Variants in KLRG1 observed in about 807,000 individuals in gnomAD.
The protein encoded by KLRG1 is killer cell lectin-like receptor subfamily G member 1.
A neutral mutation model predicts 21.8 loss-of-function variants in KLRG1; 16 were observed. That is an observed-to-expected ratio of 0.73 (90% CI 0.50 to 1.11). The LOEUF (loss-of-function observed/expected upper bound fraction) is 1.11. KLRG1 is among the 50% of genes most tolerant of loss of function. The pLI, the probability that KLRG1 is intolerant of heterozygous loss-of-function variation, is 0.00. For missense variants in KLRG1, 173 were observed against 218.3 expected (o/e 0.79, Z 1.31); for synonymous variants, 69 against 75.9 (o/e 0.91, Z 0.47).
At chr12:9,118,551 G>A in the KLRG1 span, among the ~76,000 whole-genome samples, 1 of 152,180 alleles carries the variant, frequency 6.6e-6, no homozygotes, top group Non-Finnish European at 1.5e-5. Context: ...TACGCCAGTT[G>A]GGACCTTTAT....
chr12:9,153,147 C>G, the KLRG1 span: 1 of 1,614,118 alleles, frequency 6.2e-7, no homozygotes, highest in Admixed American at 1.7e-5. Context: ...ACATCTTTCC[C>G]CAGTTACTGT....
At chr12:9,021,932 A>G in the KLRG1 span, among the ~76,000 whole-genome samples, 1 of 152,148 alleles carries the variant, frequency 6.6e-6, no homozygotes, top group African/African-American at 2.4e-5. Flanking sequence ...TTTCTTAATA[A>G]GTAGAAGGAA....
chr12:9,201,252 G>A, the KLRG1 span: 37 of 1,369,464 alleles, frequency 2.7e-5, no homozygotes, highest in Admixed American at 7.3e-4. Flanking sequence ...TAGTTCATCT[G>A]TCTAGAGTAT....
chr12:9,197,381 T>G, the KLRG1 span, among the ~76,000 whole-genome samples: 1 of 142,118 alleles, frequency 7.0e-6, no homozygotes, highest in Non-Finnish European at 1.5e-5. Context: ...ATATATTTAA[T>G]ATATAATATT....
At chr12:9,211,268 C>T in the KLRG1 span, among the ~76,000 whole-genome samples, 1 of 151,990 alleles carries the variant, frequency 6.6e-6, no homozygotes, top group Non-Finnish European at 1.5e-5. Flanking sequence ...TTCCATAGGT[C>T]CCTTATACTT....
chr12:9,115,984 C>G, the KLRG1 span: 1 of 743,774 alleles, frequency 1.3e-6, no homozygotes, highest in Non-Finnish European at 2.4e-6. Context: ...TCCACCCACA[C>G]AAGATCTCTA....
intron 1 of KLRG1, among the ~76,000 whole-genome samples, chr12:8,967,004 C>T (rs1407173466): frequency 6.8e-6 from 1 of 148,100 alleles, no homozygotes; most frequent in Non-Finnish European, 1.5e-5. Flanking sequence ...ACTATGCAGC[C>T]ATAAAAAATG....
chr12:9,121,181 C>T, the KLRG1 span, among the ~76,000 whole-genome samples: 318 of 152,202 alleles, frequency 2.1e-3, 3 homozygotes, highest in Middle Eastern at 6.8e-3. This position sits in a 1 kb window ranked among gnomAD's most constrained non-coding sequence, Gnocchi z 4.4. Context: ...CCATCATACC[C>T]GGACTTTCTG....
At chr12:9,036,256 T>C in the KLRG1 span, 1 of 152,298 alleles carries the variant, frequency 6.6e-6, no homozygotes, top group East Asian at 1.9e-4. Flanking sequence ...GGCCTGACTG[T>C]GAGGCGGCTG....
the KLRG1 span, among the ~76,000 whole-genome samples, chr12:9,175,831 A>T: frequency 6.6e-6 from 1 of 150,704 alleles, no homozygotes; most frequent in South Asian, 2.1e-4. Flanking sequence ...GGTTGCAGAG[A>T]AAAAGGAATG....
intron 1 of KLRG1, chr12:8,990,189 GT>G (rs1046462547): frequency 0.017 from 1,128 of 66,030 alleles, 8 homozygotes; most frequent in African/African-American, 0.033. Context: ...ATCTAGTTTT[GT>G]TTTTTTTTTT....
chr12:9,091,310 C>G, the KLRG1 span: 13 of 1,613,950 alleles, frequency 8.1e-6, no homozygotes, highest in Non-Finnish European at 1.1e-5. Flanking sequence ...CTGGAAGGCT[C>G]GGAGAGAGGC....
the KLRG1 span, among the ~76,000 whole-genome samples, chr12:9,197,756 A>AATAT: frequency 1.1e-5 from 1 of 89,716 alleles, no homozygotes; most frequent in African/African-American, 5.1e-5. Flanking sequence ...CATAATATAT[A>AATAT]TAATTATATA....
At chr12:9,144,807 A>G in the KLRG1 span, among the ~76,000 whole-genome samples, 527 of 152,218 alleles carry the variant, frequency 3.5e-3, 5 homozygotes, top group African/African-American at 0.012. Context: ...ATCTTGGGGC[A>G]GGCATATCTC....
chr12:9,108,218 T>C, the KLRG1 span, among the ~76,000 whole-genome samples: 2 of 152,074 alleles, frequency 1.3e-5, no homozygotes, highest in Non-Finnish European at 2.9e-5. Flanking sequence ...CTCCACCTCC[T>C]GGGTTCATGC....
the KLRG1 span, chr12:9,109,937 G>GCCCT: frequency 6.2e-7 from 1 of 1,614,006 alleles, no homozygotes; most frequent in Non-Finnish European, 8.5e-7. Flanking sequence ...CCTTGTAGGA[G>GCCCT]CCCTGGAAGG....
chr12:9,169,423 A>C, the KLRG1 span: 9 of 1,585,106 alleles, frequency 5.7e-6, no homozygotes, highest in Non-Finnish European at 7.7e-6. Flanking sequence ...AGTAGTGAGA[A>C]TTTTACCTTG....
the KLRG1 span, among the ~76,000 whole-genome samples, chr12:9,204,410 C>T: frequency 0.03 from 4,496 of 152,086 alleles, 212 homozygotes; most frequent in African/African-American, 0.1. Context: ...GAATGAACAC[C>T]GTGACTAGAT....
At chr12:8,999,913 T>C (rs1012551735) in intron 3 of KLRG1, among the ~76,000 whole-genome samples, 1 of 152,062 alleles carries the variant, frequency 6.6e-6, no homozygotes, top group African/African-American at 2.4e-5. Flanking sequence ...CACGTTTCTG[T>C]AATCCCAGCT....
Sources: allele counts gnomAD v4.1 joint callset (sites outside exome capture counted in the v4.1 genomes callset), GRCh38; gene constraint gnomAD v4.1.1; non-coding constraint Gnocchi (gnomAD v3.1); transcripts MANE v1.5; gene names NCBI Gene and HGNC (gene_info 2026-07-23, HGNC 2026-07-21).